The following PRX variants were observed in gnomAD, a reference collection of about 807,000 sequenced individuals.
PRX encodes the protein periaxin.
Under a neutral mutation model 29.6 loss-of-function variants are expected in PRX, and 24 were observed. The ratio of observed to expected loss-of-function variants is 0.81; its 90% CI spans 0.59 to 1.14. The LOEUF is 1.14. Ranked by LOEUF, PRX falls within the 50% of genes most tolerant of loss-of-function variation. The probability of loss-of-function intolerance (pLI) is 0.00; values close to 1 mark genes in which losing one functional copy is unlikely to be tolerated. For missense variants in PRX, 1,838 were observed against 1,926.4 expected, an observed-to-expected ratio of 0.95 and a Z score of 0.86; for synonymous variants, 772 against 831.7, an observed-to-expected ratio of 0.93 and a Z score of 1.24.
Position 40,395,719 on chromosome 19 carries a change from T to G in PRX, c.2633A>C (p.Lys878Thr). 6.2e-7 allele frequency: 1 copy of G among 1,614,080 alleles called. No homozygotes were observed. The highest frequency in any genetic ancestry group is 8.5e-7 in the Non-Finnish European group (1 of 1,179,996). The part of the protein sequence containing the change: ...QGQVPAAKMG[K>T]GERVEGPEVA... ...CTCAGGGCCCTCCACCCGCTCTCCC[T>G]TGCCCATTTTAGCGGCTGGGACCTG... Residue 878 changes from lysine (K) to threonine (T), a missense_variant, in exon 7 of 7, where the codon AAG becomes ACG. This residue lies in a region of PRX where 1,143 missense variants were observed against 1,193.0 expected (regional missense o/e 0.96). Coordinates refer to ENST00000324001, the MANE Select transcript of PRX (RefSeq NM_181882.3).
At position 40,407,929 on chromosome 19, in the gene PRX, C is replaced by T. The variant is rs2079539845; in HGVS notation, c.4G>A (p.Glu2Lys). M[E>K]ARSRSAEELR... ...ACCTCGGCACTCCGGCTCCTGGCCT[C>T]CATGGCGTTGCTGGGAGGCACCTGC... is the stretch of plus-strand genomic sequence containing the variant. Residue 2 changes from glutamate (E) to lysine (K), a missense_variant, in exon 4 of 7, where the codon GAG (glutamate) becomes AAG (lysine). By Grantham distance (56) the Glu-to-Lys change is moderately conservative. Coordinates refer to ENST00000324001, the MANE Select transcript of PRX (RefSeq NM_181882.3). The T allele has an allele frequency of 6.2e-7, 1 of 1,613,792 alleles. No individual in the cohort carries two copies. Among genetic ancestry groups the T allele is most frequent in the Non-Finnish European group, 8.5e-7 (1 of 1,180,040 alleles).
Position 40,394,584 on chromosome 19 carries a change from C to G in PRX, c.3768G>C (p.Val1256=). 1 of 1,608,906 alleles carries G rather than the reference C, an allele frequency of 6.2e-7. No homozygotes were observed. The highest frequency in any genetic ancestry group is 8.5e-7 in the Non-Finnish European group (1 of 1,178,940). Reference sequence around the variant, plus strand: ...GCTGCTCCTCAGCACCCTCGCCCCCCACCCTAGCTCTGGCCCCCAGTGTGG... The same window carrying G: ...GCTGCTCCTCAGCACCCTCGCCCCCGACCCTAGCTCTGGCCCCCAGTGTGG... The part of the protein sequence containing the change: ...KLPTLGARAR[V]GGEGAEEQPP... The change falls in exon 7 of 7, where the codon GTG becomes GTC. Residue 1256 remains valine (V), a synonymous_variant. Transcript: ENST00000324001. This position sits in a 1 kb window ranked among gnomAD's most constrained non-coding sequence, Gnocchi z 5.8.
At chr19:40,410,776 C>G (rs2079554945) in intron 1 of PRX, among the ~76,000 whole-genome samples, 1 of 152,180 alleles carries the variant, frequency 6.6e-6, no homozygotes, top group Admixed American at 6.5e-5. Context: ...GAGGCTGAGG[C>G]AGGAGAATCG....
Position 40,397,182 on chromosome 19 carries a change from T to A in PRX, c.1170A>T (p.Arg390Ser), listed in dbSNP as rs1288181008. The A allele has an allele frequency of 6.2e-7, 1 of 1,613,640 alleles. No individual in the cohort carries two copies. The highest frequency in any genetic ancestry group is 8.5e-7 in the Non-Finnish European group (1 of 1,179,974). ...VSPEARVKGP[R>S]LRMPTFGLSL... is the part of the protein sequence containing the mutation. ...AAAGCCCAAAGGTGGGCATTCGAAG[T>A]CTGGGACCTTTCACCCTGGCCTCAG... is the stretch of plus-strand genomic sequence containing the variant. The change falls in exon 7 of 7, where the codon AGA (arginine) becomes AGT (serine). Residue 390 changes from arginine to serine, a missense_variant. Coordinates refer to ENST00000324001, the MANE Select transcript of PRX (RefSeq NM_181882.3).
intron 5 of PRX, among the ~76,000 whole-genome samples, chr19:40,399,855 CTT>C (rs1427713385): frequency 2.3e-5 from 2 of 85,708 alleles, no homozygotes; most frequent in African/African-American, 1.9e-4. Context: ...TCTTTCCTTT[CTT>C]TCTTTCTTTC....
chr19:40,410,737 A>G (rs1048501199), intron 1 of PRX, among the ~76,000 whole-genome samples: 1 of 152,100 alleles, frequency 6.6e-6, no homozygotes, highest in Non-Finnish European at 1.5e-5. Context: ...CAGGCGTGGC[A>G]GCGCGCGCCT....
Position 40,397,438 on chromosome 19 carries a change from G to A in PRX, c.914C>T (p.Thr305Ile). 3.8e-6 allele frequency: 6 copies of A among 1,599,750 alleles called. No homozygotes were observed. Among genetic ancestry groups the A allele is most frequent in the South Asian group, 1.1e-5 (1 of 89,502 alleles). The change falls in exon 7 of 7, where the codon ACT becomes ATT. Residue 305 changes from threonine (T) to isoleucine (I), a missense_variant. By Grantham distance (89) the Thr-to-Ile change is moderately conservative. This residue lies in a region of PRX where 666 missense variants were observed against 665.0 expected (regional missense o/e 1.00). Transcript: ENST00000324001. The stretch of plus-strand genomic sequence containing the variant: ...CTCTAGGCAGGGAAGTGTGGGCAGA[G>A]TGGGCAGTGAGGGCAAGGCAGGCAG... ...VELPALPSLP[T>I]LPTLPCLETR...
Position 40,398,426 on chromosome 19 carries a change from G to A in PRX, c.381+194C>T. On this transcript the variant is annotated intron_variant, in intron 6 of 6. Coordinates refer to ENST00000324001, the MANE Select transcript of PRX (RefSeq NM_181882.3). This position sits in a 1 kb window ranked among gnomAD's most constrained non-coding sequence, Gnocchi z 6.3. ...CCTCTCCGAGGTGGGTGAGGGCCCT[G>A]GGCTGGGGTGGGTCTGTCCCCCTTC... 1 of 1,495,960 alleles carries A rather than the reference G, an allele frequency of 6.7e-7. No individual in the cohort carries two copies. Among genetic ancestry groups the A allele is most frequent in the Non-Finnish European group, 8.9e-7 (1 of 1,129,692 alleles). The allele number at this position is 1,495,960 out of a possible 1,614,324, so 92.7% of individuals were successfully genotyped here.
upstream of PRX, among the ~76,000 whole-genome samples, chr19:40,414,351 T>C (rs907840720): frequency 6.6e-5 from 10 of 152,190 alleles, no homozygotes; most frequent in Admixed American, 4.6e-4. Context: ...CTCGAACTCC[T>C]GGGCTCAAGC....
chr19:40,394,765 C>T lies in PRX; in HGVS notation c.3587G>A (p.Gly1196Glu). Reference protein sequence around the residue: ...QVPQVTLSLPGAQVAGGELLV... With the variant: ...QVPQVTLSLPEAQVAGGELLV... Reference sequence around the variant, plus strand: ...CAGCTCACCACCTGCAACCTGGGCTCCAGGCAGAGACAGGGTCACCTGGGG... The same window carrying T: ...CAGCTCACCACCTGCAACCTGGGCTTCAGGCAGAGACAGGGTCACCTGGGG... Residue 1196 changes from glycine to glutamate, a missense_variant, in exon 7 of 7, where the codon GGA (glycine) becomes GAA (glutamate). Transcript: ENST00000324001. The surrounding 1 kb of genome is among the most constrained non-coding windows in gnomAD (Gnocchi z 5.8). 6.2e-7 allele frequency: 1 copy of T among 1,613,702 alleles called. No individual in the cohort carries two copies. The highest frequency in any genetic ancestry group is 8.5e-7 in the Non-Finnish European group (1 of 1,180,022).
In PRX at chr19:40,393,772, T is replaced by C; in HGVS notation, c.*194A>G. The C allele has an allele frequency of 1.2e-6, 1 of 801,396 alleles. No homozygotes were observed. The highest frequency in any genetic ancestry group is 2.0e-6 in the Non-Finnish European group (1 of 510,790). 49.6% of individuals were successfully genotyped at this position (801,396 alleles called of 1,614,324 possible). A position where few individuals can be genotyped will look rare whatever the true frequency, so the allele number is the denominator to read the frequency against. On this transcript the variant is annotated 3_prime_UTR_variant, in exon 7 of 7. Coordinates refer to ENST00000324001, the MANE Select transcript of PRX (RefSeq NM_181882.3). ...CAGAGGAGACAAATACATGGCTACT[T>C]CCAGATTATTTTATTCACATGGCTT... is the stretch of plus-strand genomic sequence containing the variant.
Position 40,394,255 on chromosome 19 carries a change from C to G in PRX, c.4097G>C (p.Gly1366Ala). The change falls in exon 7 of 7, where the codon GGG becomes GCG. Residue 1366 changes from glycine (G) to alanine (A), a missense_variant. By Grantham distance (60) the Gly-to-Ala change is moderately conservative (BLOSUM62 0). This residue lies in a region of PRX where 1,143 missense variants were observed against 1,193.0 expected (regional missense o/e 0.96). Coordinates refer to ENST00000324001, the MANE Select transcript of PRX (RefSeq NM_181882.3). The surrounding 1 kb of genome is among the most constrained non-coding windows in gnomAD (Gnocchi z 5.8). The part of the protein sequence containing the change: ...EEEEEEGSGE[G>A]ASGRRGRVRV... ...GACCCGGCCCCGGCGACCCGAGGCC[C>G]CTTCCCCACTGCCCTCTTCCTCCTC... 6.2e-7 allele frequency: 1 copy of G among 1,609,728 alleles called. No homozygotes were observed. Among genetic ancestry groups the G allele is most frequent in the Non-Finnish European group, 8.5e-7 (1 of 1,176,722 alleles).
chr19:40,403,176 A>G lies in PRX; in HGVS notation c.184+530T>C, dbSNP rs1476194551. 1.3e-5 allele frequency among the ~76,000 whole-genome samples: 2 copies of G among 152,220 alleles called. 1 individual carries two copies. Among genetic ancestry groups the G allele is most frequent in the Admixed American group, 1.3e-4 (2 of 15,288 alleles). On this transcript the variant is annotated intron_variant, in intron 5 of 6. Coordinates refer to ENST00000324001, the MANE Select transcript of PRX (RefSeq NM_181882.3). ...CAAGAGAGAAACTCCGTATCAAAAT[A>G]CATAAATAAATAAAGTCTGAAATAG...
At chr19:40,407,776 C>T (rs974576287) in intron 4 of PRX, 130 bp downstream of exon 4, 1 of 1,302,806 alleles carries the variant, frequency 7.7e-7, no homozygotes, top group African/African-American at 1.4e-5. Flanking sequence ...TAAAATAGAC[C>T]CTGTTATTAT....
chr19:40,398,415 G>A lies in PRX; in HGVS notation c.381+205C>T. 1 of 1,481,670 alleles carries A rather than the reference G, an allele frequency of 6.7e-7. No individual in the cohort carries two copies. Among genetic ancestry groups the A allele is most frequent in the Non-Finnish European group, 8.9e-7 (1 of 1,123,678 alleles). The allele number at this position is 1,481,670 out of a possible 1,614,324, so 91.8% of individuals were successfully genotyped here. On this transcript the variant is annotated intron_variant, in intron 6 of 6. Coordinates refer to ENST00000324001, the MANE Select transcript of PRX (RefSeq NM_181882.3). This position sits in a 1 kb window ranked among gnomAD's most constrained non-coding sequence, Gnocchi z 6.3. ...TGGTGGGGACGCCTCTCCGAGGTGG[G>A]TGAGGGCCCTGGGCTGGGGTGGGTC...
intron 5 of PRX, among the ~76,000 whole-genome samples, chr19:40,399,905 T>TTCTTTCTTTCTTTCTTTTTC: frequency 1.4e-5 from 1 of 74,032 alleles, no homozygotes; most frequent in East Asian, 5.1e-4. Flanking sequence ...CTTTCTTTCT[T>TTCTTTCTTTCTTTCTTTTTC]TTTCTTTCTT....
At chr19:40,400,044 G>A (rs1365038950) in intron 5 of PRX, among the ~76,000 whole-genome samples, 4 of 150,796 alleles carry the variant, frequency 2.7e-5, no homozygotes, top group African/African-American at 4.9e-5. Flanking sequence ...GTGCAATGGC[G>A]CGATCTTGGC....
rs2079411761 is a variant in PRX at position 40,394,571 on chromosome 19, C to T, written c.3781G>A (p.Ala1261Thr). The T allele has an allele frequency of 6.2e-7, 1 of 1,608,794 alleles. No homozygotes were observed. Among genetic ancestry groups the T allele is most frequent in the Non-Finnish European group, 8.5e-7 (1 of 1,178,772 alleles). ...GARARVGGEG[A>T]EEQPPGAERT... ...TCGGCCCCTGGGGGCTGCTCCTCAG[C>T]ACCCTCGCCCCCCACCCTAGCTCTG... Residue 1261 changes from alanine to threonine, a missense_variant, in exon 7 of 7, where the codon GCT becomes ACT. Physicochemically the swap from Ala to Thr is moderately conservative, Grantham distance 58 (BLOSUM62 0). Transcript: ENST00000324001. The surrounding 1 kb of genome is among the most constrained non-coding windows in gnomAD (Gnocchi z 5.8).
At chr19:40,408,691 G>T (rs2079543960) in intron 1 of PRX, among the ~76,000 whole-genome samples, 1 of 152,184 alleles carries the variant, frequency 6.6e-6, no homozygotes, top group Non-Finnish European at 1.5e-5. Context: ...GAGTGCAGTG[G>T]TGCAATCACG....
Sources: allele counts gnomAD v4.1 joint callset (sites outside exome capture counted in the v4.1 genomes callset), GRCh38; gene constraint gnomAD v4.1.1; regional missense constraint gnomAD v4.1.1; non-coding constraint Gnocchi (gnomAD v3.1); transcripts MANE v1.5; gene names NCBI Gene and HGNC (gene_info 2026-07-23, HGNC 2026-07-21).